PHF21B: variants seen among roughly 807,000 people sequenced by gnomAD.
PHF21B encodes the protein PHD finger protein 4.
A neutral mutation model predicts 62.2 loss-of-function variants in PHF21B; 22 were observed. The observed-to-expected ratio is 0.35, with a 90% confidence interval of 0.25 to 0.51. The LOEUF (loss-of-function observed/expected upper bound fraction) is 0.51, where lower values mean the gene tolerates loss of function less well. Ranked by LOEUF, PHF21B falls within the 20% of genes least tolerant of loss-of-function variation. The pLI is 0.97. For synonymous variants in PHF21B, 341 were observed against 314.7 expected (o/e 1.08, Z -0.88); for missense variants, 701 against 707.9 (o/e 0.99, Z 0.11).
intron 2 of PHF21B, among the ~76,000 whole-genome samples, chr22:44,988,731 A>G (rs2072994952): frequency 6.6e-6 from 1 of 152,234 alleles, no homozygotes; most frequent in South Asian, 2.1e-4. Flanking sequence ...ACATCGAGAA[A>G]AAAGCATTGT....
chr22:44,948,404 G>A (rs2072121897), intron 2 of PHF21B, among the ~76,000 whole-genome samples: 1 of 152,196 alleles, frequency 6.6e-6, no homozygotes, highest in African/African-American at 2.4e-5. Context: ...GCTTCAGGCT[G>A]GGCGCAGTGG....
intron 2 of PHF21B, among the ~76,000 whole-genome samples, chr22:44,953,893 G>C (rs1005270506): frequency 6.6e-6 from 1 of 152,238 alleles, no homozygotes; most frequent in Non-Finnish European, 1.5e-5. Context: ...CTGAGGCACA[G>C]AACAGTGAAG....
intron 2 of PHF21B, among the ~76,000 whole-genome samples, chr22:44,986,737 C>T (rs888585439): frequency 1.3e-5 from 2 of 152,086 alleles, no homozygotes; most frequent in Admixed American, 6.5e-5. Flanking sequence ...ACACTGTGCT[C>T]GCTGGAGCCC....
At chr22:44,991,404 G>A (rs746883118) in intron 2 of PHF21B, among the ~76,000 whole-genome samples, 3 of 152,094 alleles carry the variant, frequency 2.0e-5, no homozygotes, top group East Asian at 1.9e-4. Flanking sequence ...CTTCAGTGAC[G>A]TCAGCCAAAC....
At chr22:44,944,035 T>C (rs2072015092) in intron 2 of PHF21B, among the ~76,000 whole-genome samples, 1 of 152,158 alleles carries the variant, frequency 6.6e-6, no homozygotes, top group Non-Finnish European at 1.5e-5. Flanking sequence ...AAACCTGGCT[T>C]CAACCCAGCT....
At chr22:44,960,710 C>T (rs1389713610) in intron 2 of PHF21B, among the ~76,000 whole-genome samples, 2 of 152,228 alleles carry the variant, frequency 1.3e-5, no homozygotes, top group Non-Finnish European at 2.9e-5. Flanking sequence ...ATGAGGGTCT[C>T]ATCCAACCAG....
intron 2 of PHF21B, among the ~76,000 whole-genome samples, chr22:44,954,314 C>G (rs1027732607): frequency 3.3e-5 from 5 of 152,232 alleles, no homozygotes; most frequent in African/African-American, 9.6e-5. Flanking sequence ...TTTGGGGACC[C>G]AGCGCAGGAC....
rs1341317600 is a variant in PHF21B at position 44,901,611 on chromosome 22, TGAG to T, written c.832-5531_832-5529del. On this transcript the variant is annotated intron_variant, in intron 5 of 12. Transcript: ENST00000313237. ...TGCAAGATGGTGAGAAGTTGGATACTGAGGAGAAGAAACCCGAAGCCAAGAAGG... is the reference window on the plus strand; with the variant it reads ...TGCAAGATGGTGAGAAGTTGGATACTGAGAAGAAACCCGAAGCCAAGAAGG... The T allele has an allele frequency of 2.7e-4, 99 of 361,232 alleles. 1 individual carries two copies. The highest frequency in any genetic ancestry group is 6.4e-5 in the Non-Finnish European group (13 of 204,476). 22.4% of individuals were successfully genotyped at this position (361,232 alleles called of 1,614,324 possible). A position where few individuals can be genotyped will look rare whatever the true frequency, so the allele number is the denominator to read the frequency against.
intron 2 of PHF21B, among the ~76,000 whole-genome samples, chr22:44,957,231 G>A (rs1423638842): frequency 6.6e-6 from 1 of 152,236 alleles, no homozygotes; most frequent in Non-Finnish European, 1.5e-5. Context: ...GTTGCACAGT[G>A]CTCACCCAGC....
In PHF21B at chr22:44,883,046, C is replaced by T; in HGVS notation, c.*40G>A. 1 of 1,565,520 alleles carries T rather than the reference C, an allele frequency of 6.4e-7. No individual in the cohort carries two copies. Among genetic ancestry groups the T allele is most frequent in the Non-Finnish European group, 8.7e-7 (1 of 1,155,924 alleles). On this transcript the variant is annotated 3_prime_UTR_variant, in exon 13 of 13. Coordinates refer to ENST00000313237, the MANE Select transcript of PHF21B (RefSeq NM_138415.5). ...ACCCCCAGGCTGTGTAAGCAGGGTC[C>T]CAATAACTTTCCGTGGGTATGAAGA...
chr22:44,928,044 CAA>C (rs1264501902), intron 2 of PHF21B, among the ~76,000 whole-genome samples: 1 of 152,166 alleles, frequency 6.6e-6, no homozygotes, highest in East Asian at 1.9e-4. Context: ...GCAGACCCTA[CAA>C]CCTTCCAGGG....
chr22:44,943,003 C>G (rs971579600), intron 2 of PHF21B, among the ~76,000 whole-genome samples: 11 of 151,290 alleles, frequency 7.3e-5, no homozygotes, highest in Admixed American at 4.0e-4. Context: ...GGACCCCCCC[C>G]CCCCCATCCT....
chr22:44,950,214 C>A (rs2072165166), intron 2 of PHF21B, among the ~76,000 whole-genome samples: 1 of 152,246 alleles, frequency 6.6e-6, no homozygotes, highest in Non-Finnish European at 1.5e-5. Context: ...AACATATATG[C>A]ACAAAAACAA....
intron 2 of PHF21B, among the ~76,000 whole-genome samples, chr22:44,921,664 A>T (rs1167832786): frequency 2.0e-5 from 3 of 146,738 alleles, no homozygotes; most frequent in African/African-American, 7.7e-5. Context: ...CACGGAACCC[A>T]GCCTTTCTTT....
In PHF21B at chr22:44,888,045, C is replaced by A; in HGVS notation, c.1115G>T (p.Gly372Val). 1 of 1,555,564 alleles carries A rather than the reference C, an allele frequency of 6.4e-7. No individual in the cohort carries two copies. The highest frequency in any genetic ancestry group is 2.4e-5 in the East Asian group (1 of 41,980). ...CTCCAGGCAGCTGAGGTGGTAGGCC[C>A]CCGGGCAGGTGCCGCAGGGCTGCAG... ...ANLQPCGTCP[G>V]AYHLSCLEPP... The change falls in exon 10 of 13, where the codon GGG becomes GTG. Residue 372 changes from glycine to valine, a missense_variant. By Grantham distance (109) the Gly-to-Val change is moderately radical. Coordinates refer to ENST00000313237, the MANE Select transcript of PHF21B (RefSeq NM_138415.5).
At chr22:44,936,224 T>C (rs2147351531) in intron 2 of PHF21B, among the ~76,000 whole-genome samples, 1 of 152,286 alleles carries the variant, frequency 6.6e-6, no homozygotes, top group East Asian at 1.9e-4. Flanking sequence ...GGGTCCGCCT[T>C]GTCACCTGCA....
intron 12 of PHF21B, among the ~76,000 whole-genome samples, chr22:44,883,960 T>A (rs1482072910): frequency 7.9e-6 from 1 of 127,070 alleles, no homozygotes; most frequent in East Asian, 2.3e-4. Context: ...ACCACCATCA[T>A]CACCATTACT....
chr22:44,999,213 A>G (rs534983731), intron 2 of PHF21B, among the ~76,000 whole-genome samples: 37 of 152,354 alleles, frequency 2.4e-4, no homozygotes, highest in Admixed American at 1.9e-3. Flanking sequence ...AACACAGAGC[A>G]ATCTTCAGAA....
chr22:44,957,749 C>T (rs2072330439), intron 2 of PHF21B, among the ~76,000 whole-genome samples: 1 of 152,178 alleles, frequency 6.6e-6, no homozygotes, highest in Admixed American at 6.5e-5. Context: ...GAATTTAGAT[C>T]TGCTGTTTTT....
Sources: allele counts gnomAD v4.1 joint callset (sites outside exome capture counted in the v4.1 genomes callset), GRCh38; gene constraint gnomAD v4.1.1; transcripts MANE v1.5; gene names NCBI Gene and HGNC (gene_info 2026-07-23, HGNC 2026-07-21).